LYRM4: variants seen among roughly 807,000 people sequenced by gnomAD.
The protein encoded by LYRM4 is LYR motif containing 4, also known as LYR motif-containing protein 4.
LYRM4 carries 9 observed loss-of-function variants against 11.7 expected under a neutral mutation model. The observed-to-expected ratio is 0.77, with a 90% CI of 0.46 to 1.34. LYRM4 has a LOEUF of 1.34. Among genes scored for constraint, LYRM4 ranks in the 40% most tolerant of loss-of-function variants. The pLI, the probability that LYRM4 is intolerant of heterozygous loss-of-function variation, is 0.00. For missense variants in LYRM4, 133 were observed against 112.5 expected, an observed-to-expected ratio of 1.18 and a Z score of -0.82; for synonymous variants, 42 against 40.4, an observed-to-expected ratio of 1.04 and a Z score of -0.15.
intron 2 of LYRM4, among the ~76,000 whole-genome samples, chr6:5,188,546 A>G (rs1270399246): frequency 2.0e-5 from 3 of 152,234 alleles, no homozygotes; most frequent in East Asian, 1.9e-4. Flanking sequence ...CATAATAATC[A>G]TATCAAGTAC....
the LYRM4 span, among the ~76,000 whole-genome samples, chr6:5,081,342 G>A: frequency 4.6e-5 from 7 of 152,198 alleles, no homozygotes; most frequent in African/African-American, 1.7e-4. Flanking sequence ...AGTGGTGTGG[G>A]AGCCAGAGAT....
intron 2 of LYRM4, among the ~76,000 whole-genome samples, chr6:5,202,445 T>A (rs1761444574): frequency 6.6e-6 from 1 of 152,120 alleles, no homozygotes; most frequent in African/African-American, 2.4e-5. Flanking sequence ...ATGTCCAACC[T>A]CCTTACATAC....
chr6:5,169,722 G>A (rs1335426665), intron 2 of LYRM4, among the ~76,000 whole-genome samples: 4 of 152,120 alleles, frequency 2.6e-5, no homozygotes, highest in Non-Finnish European at 4.4e-5. Context: ...ACAATTACAC[G>A]CTGACTTATT....
chr6:5,134,295 T>TA (rs1015876408), intron 2 of LYRM4, among the ~76,000 whole-genome samples: 1 of 152,078 alleles, frequency 6.6e-6, no homozygotes, highest in Non-Finnish European at 1.5e-5. Flanking sequence ...AAAACCAAGA[T>TA]AAAATCAGCA....
chr6:5,080,705 A>G, the LYRM4 span, among the ~76,000 whole-genome samples: 5 of 152,242 alleles, frequency 3.3e-5, no homozygotes, highest in Admixed American at 2.6e-4. Context: ...GGGTTTGAGA[A>G]TGCTACCTAT....
At position 5,139,404 on chromosome 6, in the gene LYRM4, A is replaced by G. The variant is rs148288055; in HGVS notation, c.208-29913T>C. On this transcript the variant is annotated intron_variant, in intron 2 of 2. Coordinates refer to ENST00000330636, the MANE Select transcript of LYRM4 (RefSeq NM_020408.6). Reference sequence around the variant, plus strand: ...TCATGACACAGGTCACACTGTATTTACAAATACAAACTGGAGTAGGACAAT... The same window carrying G: ...TCATGACACAGGTCACACTGTATTTGCAAATACAAACTGGAGTAGGACAAT... Among the ~76,000 whole-genome samples, 3 of 152,394 alleles carry G rather than the reference A, an allele frequency of 2.0e-5. No homozygotes were observed. In the East Asian group the frequency reaches 5.8e-4, roughly 29 times the overall value.
At chr6:5,037,264 G>A in the LYRM4 span, among the ~76,000 whole-genome samples, 154 of 21,178 alleles carry the variant, frequency 7.3e-3, 17 homozygotes, top group African/African-American at 0.019. Context: ...ATCTTGCACC[G>A]CCCTTAATCC....
At chr6:5,044,275 C>T in the LYRM4 span, among the ~76,000 whole-genome samples, 7 of 152,234 alleles carry the variant, frequency 4.6e-5, no homozygotes, top group East Asian at 1.9e-4. Context: ...GGATTACAGG[C>T]GCACACCACC....
intron 2 of LYRM4, among the ~76,000 whole-genome samples, chr6:5,181,558 C>T (rs1760076126): frequency 6.6e-6 from 1 of 152,208 alleles, no homozygotes; most frequent in Non-Finnish European, 1.5e-5. Context: ...GTGTCCTCTC[C>T]TCCTCTTCAC....
At chr6:5,119,985 C>G (rs1285812954) in intron 2 of LYRM4, among the ~76,000 whole-genome samples, 1 of 151,462 alleles carries the variant, frequency 6.6e-6, no homozygotes, top group Non-Finnish European at 1.5e-5. Context: ...ACCTCTGCCT[C>G]CTGGGTTCAA....
At chr6:5,194,764 T>C (rs959647602) in intron 2 of LYRM4, among the ~76,000 whole-genome samples, 2 of 152,192 alleles carry the variant, frequency 1.3e-5, no homozygotes, top group African/African-American at 4.8e-5. Flanking sequence ...CACTCTGTTG[T>C]CCAGGCTGGA....
At chr6:5,205,346 C>T (rs1381530462) in intron 2 of LYRM4, among the ~76,000 whole-genome samples, 2 of 152,028 alleles carry the variant, frequency 1.3e-5, no homozygotes, top group Non-Finnish European at 1.5e-5. Context: ...AAGGCCCAGC[C>T]CTCCGGCATC....
At chr6:5,093,884 T>G in the LYRM4 span, among the ~76,000 whole-genome samples, 6 of 152,352 alleles carry the variant, frequency 3.9e-5, no homozygotes, top group East Asian at 1.2e-3. Flanking sequence ...GAAAATGCAA[T>G]GTAGCCTCGC....
chr6:5,245,269 G>A (rs1297572758), intron 1 of LYRM4, among the ~76,000 whole-genome samples: 2 of 150,302 alleles, frequency 1.3e-5, no homozygotes, highest in Non-Finnish European at 3.0e-5. Flanking sequence ...CTTATGTGAT[G>A]AGGAAGGAAG....
chr6:5,085,445 G>T, the LYRM4 span: 1 of 1,428,654 alleles, frequency 7.0e-7, no homozygotes, highest in Admixed American at 2.1e-5. Flanking sequence ...TCTCCAGAGG[G>T]GCCCGGTTCG....
chr6:5,174,478 C>T (rs1028234696), intron 2 of LYRM4, among the ~76,000 whole-genome samples: 1 of 152,106 alleles, frequency 6.6e-6, no homozygotes, highest in African/African-American at 2.4e-5. Context: ...TTCACAAAAG[C>T]TCGAGTTTCA....
At chr6:5,081,732 G>C in the LYRM4 span, among the ~76,000 whole-genome samples, 2 of 152,196 alleles carry the variant, frequency 1.3e-5, no homozygotes, top group Admixed American at 6.5e-5. Context: ...GTGTTATTTT[G>C]TTGTAACATA....
chr6:5,253,016 T>A (rs1764505323), intron 1 of LYRM4, among the ~76,000 whole-genome samples: 1 of 152,216 alleles, frequency 6.6e-6, no homozygotes, highest in African/African-American at 2.4e-5. Context: ...GACCAGCTCC[T>A]TTCTATGGCC....
At chr6:5,220,256 A>C (rs1288219008) in intron 1 of LYRM4, among the ~76,000 whole-genome samples, 2 of 152,194 alleles carry the variant, frequency 1.3e-5, no homozygotes, top group African/African-American at 4.8e-5. Context: ...CCCCTCCCAG[A>C]AACACCAAAT....
Sources: gnomAD v4.1 joint callset for allele counts (sites outside exome capture counted in the v4.1 genomes callset) on GRCh38, gnomAD v4.1.1 for gene constraint, MANE v1.5 for transcripts, NCBI Gene and HGNC (gene_info 2026-07-23, HGNC 2026-07-21) for gene names.